Variants in GSDME observed in about 807,000 individuals in gnomAD.
GSDME encodes gasdermin-E.
A neutral mutation model predicts 47.5 loss-of-function variants in GSDME; 44 were observed. The observed-to-expected ratio is 0.93, with a 90% CI of 0.73 to 1.19. The LOEUF (loss-of-function observed/expected upper bound fraction) is 1.19, where lower values mean the gene tolerates loss of function less well. Ranked by LOEUF, GSDME falls within the 50% of genes most tolerant of loss-of-function variation. GSDME has a pLI of 0.00. For missense variants in GSDME, 663 were observed against 604.2 expected, an observed-to-expected ratio of 1.10 and a Z score of -1.02; for synonymous variants, 258 against 252.8, an observed-to-expected ratio of 1.02 and a Z score of -0.20.
the GSDME span, among the ~76,000 whole-genome samples, chr7:24,782,084 T>C: frequency 6.6e-6 from 1 of 152,212 alleles, no homozygotes; most frequent in African/African-American, 2.4e-5. Context: ...TTTTTTATTA[T>C]ACTTTAAGTT....
At chr7:24,746,450 T>C (rs959803500) in intron 2 of GSDME, among the ~76,000 whole-genome samples, 2 of 149,414 alleles carry the variant, frequency 1.3e-5, no homozygotes, top group African/African-American at 4.9e-5. Flanking sequence ...TGCGGGTTTA[T>C]ATATGGAAAG....
intron 8 of GSDME, 117 bp downstream of exon 8, chr7:24,706,067 G>A (rs1789086397): frequency 7.9e-7 from 1 of 1,271,264 alleles, no homozygotes; most frequent in Non-Finnish European, 1.1e-6. Flanking sequence ...AGAAGGGAAG[G>A]ACCTGTATGT....
the GSDME span, among the ~76,000 whole-genome samples, chr7:24,774,525 T>A: frequency 0.17 from 26,236 of 151,610 alleles, 2,944 homozygotes; most frequent in East Asian, 0.61. Context: ...AAAATTTTTT[T>A]AAATTAATTA....
intron 2 of GSDME, among the ~76,000 whole-genome samples, chr7:24,746,006 G>A (rs1043731647): frequency 6.6e-6 from 1 of 152,034 alleles, no homozygotes; most frequent in African/African-American, 2.4e-5. Flanking sequence ...CTTCACAGGG[G>A]ATTCAAACCC....
At chr7:24,790,511 A>G in the GSDME span, among the ~76,000 whole-genome samples, 1 of 152,110 alleles carries the variant, frequency 6.6e-6, no homozygotes, top group Non-Finnish European at 1.5e-5. This position sits in a 1 kb window ranked among gnomAD's most constrained non-coding sequence, Gnocchi z 4.1. Flanking sequence ...TAACACAACT[A>G]CCTGCCCACT....
At position 24,715,365 on chromosome 7, in the gene GSDME, G is replaced by A. The variant is rs148208370; in HGVS notation, c.697+1889C>T. On this transcript the variant is annotated intron_variant, in intron 5 of 9. Coordinates refer to ENST00000645220, the MANE Select transcript of GSDME (RefSeq NM_001127453.2). The stretch of plus-strand genomic sequence containing the variant: ...GTGTCCTCACCACACACATGCAGAG[G>A]GTAACCATGCTGGGTGATGGATGTG... 9.2e-4 allele frequency: 406 copies of A among 443,220 alleles called. 1 individual carries two copies. The highest frequency in any genetic ancestry group is 7.8e-3 in the African/African-American group (387 of 49,754). 27.5% of individuals were successfully genotyped at this position (443,220 alleles called of 1,614,324 possible). A position where few individuals can be genotyped will look rare whatever the true frequency, so the allele number is the denominator to read the frequency against.
the GSDME span, among the ~76,000 whole-genome samples, chr7:24,782,204 T>C: frequency 6.7e-6 from 1 of 149,506 alleles, no homozygotes; most frequent in East Asian, 1.9e-4. Context: ...CTCCTAATGC[T>C]ATCCCTCCCC....
At chr7:24,737,411 C>T (rs1046541230) in intron 3 of GSDME, among the ~76,000 whole-genome samples, 1 of 151,686 alleles carries the variant, frequency 6.6e-6, no homozygotes. Flanking sequence ...TGAATAAATT[C>T]CTAGACACAA....
In GSDME at chr7:24,719,122, C is replaced by T. The variant is rs1231663889; in HGVS notation, c.501G>A (p.Lys167=). The T allele has an allele frequency of 1.9e-6, 3 of 1,613,984 alleles. No individual in the cohort carries two copies. Among genetic ancestry groups the T allele is most frequent in the South Asian group, 2.2e-5 (2 of 91,076 alleles). Reference sequence around the variant, plus strand: ...CCTGCATGTGCTCAGAGATCACACACTTCTGCATCGTCGTGATCTTCTGTG... The same window carrying T: ...CCTGCATGTGCTCAGAGATCACACATTTCTGCATCGTCGTGATCTTCTGTG... ...VLTQKITTMQ[K]CVISEHMQVE... is the part of the protein sequence containing the mutation. The change falls in exon 4 of 10, where the codon AAG becomes AAA. Residue 167 remains lysine (K), a synonymous_variant. Transcript: ENST00000645220.
At chr7:24,710,081 G>A in intron 6 of GSDME, 143 bp downstream of exon 6, 1 of 904,548 alleles carries the variant, frequency 1.1e-6, no homozygotes, top group Non-Finnish European at 1.8e-6. Flanking sequence ...CGAGTGGACT[G>A]GGCCTCGGCG....
the GSDME span, among the ~76,000 whole-genome samples, chr7:24,779,498 G>GGTGTGTGTGTGTGTGTGTGTGT: frequency 5.2e-3 from 737 of 143,090 alleles, 7 homozygotes; most frequent in African/African-American, 0.018. This position sits in a 1 kb window ranked among gnomAD's most constrained non-coding sequence, Gnocchi z 6.0. Flanking sequence ...AGTGATACAT[G>GGTGTGTGTGTGTGTGTGTGTGT]GTGTGTGTGT....
At chr7:24,762,614 T>A (rs1327327188), upstream of GSDME, among the ~76,000 whole-genome samples, 1 of 152,120 alleles carries the variant, frequency 6.6e-6, no homozygotes, top group Non-Finnish European at 1.5e-5. Context: ...GGATATAAGG[T>A]GACCAACGAG....
chr7:24,719,235 G>A lies in GSDME; in HGVS notation c.405-17C>T, dbSNP rs2128053746. ...TTTATTGTTCTGAAAAAGAAAAACG[G>A]ATGTGAGTGGCTTAGTGCCTCAGGG... On this transcript the variant is annotated splice_polypyrimidine_tract_variant and intron_variant, in intron 3 of 9. Transcript: ENST00000645220. 1.2e-6 allele frequency: 2 copies of A among 1,606,016 alleles called. No individual in the cohort carries two copies. The highest frequency in any genetic ancestry group is 1.7e-6 in the Non-Finnish European group (2 of 1,179,640).
At position 24,699,447 on chromosome 7, in the gene GSDME, A is replaced by ATTCT. The variant is rs545233870; in HGVS notation, c.1258-192_1258-189dup. ...AACCTCCAGCTCCCAGGTTCAAGCG[A>ATTCT]TTCTTTTGCCTCAGCCTCCCGAGTA... On this transcript the variant is annotated intron_variant, in intron 9 of 9. Coordinates refer to ENST00000645220, the MANE Select transcript of GSDME (RefSeq NM_001127453.2). Among the ~76,000 whole-genome samples, 781 of 152,206 alleles carry ATTCT rather than the reference A, an allele frequency of 5.1e-3. 2 individuals carry two copies. Among genetic ancestry groups the ATTCT allele is most frequent in the Non-Finnish European group, 8.5e-3 (580 of 68,008 alleles).
At chr7:24,762,044 A>G (rs1414846216), upstream of GSDME, among the ~76,000 whole-genome samples, 1 of 152,108 alleles carries the variant, frequency 6.6e-6, no homozygotes, top group Non-Finnish European at 1.5e-5. Context: ...AGTTGAGCCC[A>G]GGAGTTAGAG....
In GSDME at chr7:24,706,256, A is replaced by G; in HGVS notation, c.1111T>C (p.Cys371Arg). Residue 371 changes from cysteine (C) to arginine (R), a missense_variant, in exon 8 of 10, where the codon TGT becomes CGT. Cys to Arg is a radical substitution (Grantham distance 180). Coordinates refer to ENST00000645220, the MANE Select transcript of GSDME (RefSeq NM_001127453.2). ...CTGCCTGCATCCTCGGGGCCCGGAC[A>G]CCCACCCTGTAAGCTGCACCCCACC... ...QLVGCSLQGGCPGPEDAGSKQ... is the reference protein window; with the variant it reads ...QLVGCSLQGGRPGPEDAGSKQ... 2 of 1,614,150 alleles carry G rather than the reference A, an allele frequency of 1.2e-6. No individual in the cohort carries two copies. Among genetic ancestry groups the G allele is most frequent in the African/African-American group, 2.7e-5 (2 of 75,048 alleles).
the GSDME span, among the ~76,000 whole-genome samples, chr7:24,791,441 G>A: frequency 2.0e-5 from 3 of 152,198 alleles, no homozygotes; most frequent in Non-Finnish European, 4.4e-5. This position sits in a 1 kb window ranked among gnomAD's most constrained non-coding sequence, Gnocchi z 4.8. Flanking sequence ...CTAGCATTGT[G>A]CTGCTAGGAG....
rs1371645690 is a variant in GSDME at position 24,742,453 on chromosome 7, C to G, written c.404+2109G>C. On this transcript the variant is annotated intron_variant, in intron 3 of 9. Transcript: ENST00000645220. This position sits in a 1 kb window ranked among gnomAD's most constrained non-coding sequence, Gnocchi z 4.4. The stretch of plus-strand genomic sequence containing the variant: ...GCACACAGTAGGTGCTCTGCGGATG[C>G]TCCTTTCCTTTCCCTCCCCCACTCC... Among the ~76,000 whole-genome samples, 1 of 152,160 alleles carries G rather than the reference C, an allele frequency of 6.6e-6. No individual in the cohort carries two copies. Among genetic ancestry groups the G allele is most frequent in the Non-Finnish European group, 1.5e-5 (1 of 68,038 alleles).
the GSDME span, among the ~76,000 whole-genome samples, chr7:24,782,167 T>A: frequency 1.3e-5 from 2 of 152,028 alleles, no homozygotes; most frequent in Non-Finnish European, 2.9e-5. Flanking sequence ...GCTGCACCCA[T>A]TAACTCGTCA....
Sources: gnomAD v4.1 joint callset for allele counts (sites outside exome capture counted in the v4.1 genomes callset) on GRCh38, gnomAD v4.1.1 for gene constraint, Gnocchi (gnomAD v3.1) non-coding constraint, MANE v1.5 for transcripts, NCBI Gene and HGNC (gene_info 2026-07-23, HGNC 2026-07-21) for gene names.